The following MAP7 variants were observed in gnomAD, a reference collection of about 807,000 sequenced individuals.
MAP7 encodes ensconsin.
MAP7 carries 52 observed loss-of-function variants against 94.8 expected under a neutral mutation model. The observed-to-expected ratio is 0.55, with a 90% CI of 0.44 to 0.69. The LOEUF (loss-of-function observed/expected upper bound fraction) is 0.69, where lower values mean the gene tolerates loss of function less well. MAP7 is among the 30% of genes least tolerant of loss of function. The pLI, the probability that MAP7 is intolerant of heterozygous loss-of-function variation, is 0.00. For synonymous variants in MAP7, 350 were observed against 357.0 expected, an observed-to-expected ratio of 0.98 and a Z score of 0.22; for missense variants, 940 against 964.6, an observed-to-expected ratio of 0.97 and a Z score of 0.34.
At chr6:136,354,999 G>A (rs1044910318) in intron 16 of MAP7, among the ~76,000 whole-genome samples, 16 of 152,068 alleles carry the variant, frequency 1.1e-4, no homozygotes, top group African/African-American at 3.9e-4. Flanking sequence ...CAAGATGGGT[G>A]GATCACTTGA....
chr6:136,388,229 T>C (rs1779706876), intron 5 of MAP7, among the ~76,000 whole-genome samples, 164 bp downstream of exon 5: 1 of 152,202 alleles, frequency 6.6e-6, no homozygotes. Context: ...TTACTTCTTA[T>C]CTCCATCACC....
At chr6:136,496,146 G>A (rs1250907681) in intron 1 of MAP7, among the ~76,000 whole-genome samples, 1 of 152,170 alleles carries the variant, frequency 6.6e-6, no homozygotes, top group Non-Finnish European at 1.5e-5. Context: ...CCCCAGGGTG[G>A]GGCAAAGGGA....
intron 13 of MAP7, among the ~76,000 whole-genome samples, 181 bp downstream of exon 13, chr6:136,360,516 G>C (rs1353522002): frequency 1.3e-5 from 2 of 152,182 alleles, no homozygotes; most frequent in Non-Finnish European, 2.9e-5. Flanking sequence ...GTGGAAGTAA[G>C]TGTTTTTTGG....
At chr6:136,405,628 A>C (rs1785353337) in intron 3 of MAP7, among the ~76,000 whole-genome samples, 1 of 152,368 alleles carries the variant, frequency 6.6e-6, no homozygotes, top group African/African-American at 2.4e-5. Flanking sequence ...GGTCTGGAGC[A>C]GAGGCAGGCC....
At chr6:136,436,875 A>G in intron 1 of MAP7, among the ~76,000 whole-genome samples, 1 of 152,362 alleles carries the variant, frequency 6.6e-6, no homozygotes, top group East Asian at 1.9e-4. Flanking sequence ...GATTTTGATC[A>G]TAAGAAAAAT....
intron 1 of MAP7, among the ~76,000 whole-genome samples, chr6:136,487,780 G>A (rs1815232191): frequency 6.6e-6 from 1 of 152,104 alleles, no homozygotes; most frequent in Non-Finnish European, 1.5e-5. Flanking sequence ...TATTTAGGCA[G>A]TTAACAACTG....
At chr6:136,486,607 C>T (rs1024361547) in intron 1 of MAP7, among the ~76,000 whole-genome samples, 1 of 152,198 alleles carries the variant, frequency 6.6e-6, no homozygotes, top group Non-Finnish European at 1.5e-5. Context: ...TAGTTAGATT[C>T]TGCAGGCTGA....
At chr6:136,545,772 T>A (rs1296404887) in intron 1 of MAP7, among the ~76,000 whole-genome samples, 2 of 152,056 alleles carry the variant, frequency 1.3e-5, no homozygotes, top group African/African-American at 2.4e-5. Context: ...AATTTTTTTT[T>A]ATTTTTGTGG....
chr6:136,425,076 T>G (rs939836775), intron 1 of MAP7, among the ~76,000 whole-genome samples: 1 of 152,222 alleles, frequency 6.6e-6, no homozygotes, highest in African/African-American at 2.4e-5. Flanking sequence ...ACAGCTCCTA[T>G]GTGACTGACA....
At chr6:136,457,119 C>T (rs1339849451) in intron 1 of MAP7, among the ~76,000 whole-genome samples, 2 of 149,048 alleles carry the variant, frequency 1.3e-5, no homozygotes, top group Non-Finnish European at 3.0e-5. Flanking sequence ...GATATTATAA[C>T]TGATGCCACA....
At chr6:136,502,155 G>A (rs1485465136) in intron 1 of MAP7, among the ~76,000 whole-genome samples, 2 of 152,192 alleles carry the variant, frequency 1.3e-5, no homozygotes, top group Non-Finnish European at 2.9e-5. Context: ...TCTACCAAAA[G>A]CCATTTTAAA....
At chr6:136,518,087 C>A (rs941527725) in intron 1 of MAP7, among the ~76,000 whole-genome samples, 2 of 152,194 alleles carry the variant, frequency 1.3e-5, no homozygotes, top group Admixed American at 1.3e-4. Flanking sequence ...ATGGAGGTGG[C>A]TCGAGCCTCC....
chr6:136,507,031 A>G (rs1357980831), intron 1 of MAP7, among the ~76,000 whole-genome samples: 1 of 152,146 alleles, frequency 6.6e-6, no homozygotes, highest in Non-Finnish European at 1.5e-5. Flanking sequence ...GGCACCCCGG[A>G]GTCTCCAAAT....
intron 16 of MAP7, among the ~76,000 whole-genome samples, chr6:136,352,482 G>A (rs998093507): frequency 1.3e-5 from 2 of 152,112 alleles, no homozygotes; most frequent in Non-Finnish European, 2.9e-5. Flanking sequence ...CACCACACCA[G>A]GCCCCTAAAT....
intron 1 of MAP7, among the ~76,000 whole-genome samples, chr6:136,469,724 C>T (rs1808356744): frequency 6.6e-6 from 1 of 152,122 alleles, no homozygotes; most frequent in Non-Finnish European, 1.5e-5. Context: ...AAAACTACAT[C>T]AGTGCTGGAT....
At chr6:136,444,987 A>G (rs1798895266) in intron 1 of MAP7, among the ~76,000 whole-genome samples, 1 of 152,194 alleles carries the variant, frequency 6.6e-6, no homozygotes, top group Non-Finnish European at 1.5e-5. Flanking sequence ...TAACTGCTCA[A>G]GCCTACACCT....
chr6:136,468,396 G>A (rs1807845160), intron 1 of MAP7, among the ~76,000 whole-genome samples: 1 of 152,156 alleles, frequency 6.6e-6, no homozygotes, highest in South Asian at 2.1e-4. Context: ...ACTCTGAGAT[G>A]CAGAAGAACT....
At chr6:136,478,498 G>C (rs546509070) in intron 1 of MAP7, among the ~76,000 whole-genome samples, 1 of 151,708 alleles carries the variant, frequency 6.6e-6, no homozygotes, top group Non-Finnish European at 1.5e-5. Flanking sequence ...AAATACAAAA[G>C]ATTAACAAAA....
chr6:136,470,369 G>C (rs1305498253), intron 1 of MAP7, among the ~76,000 whole-genome samples: 1 of 151,916 alleles, frequency 6.6e-6, no homozygotes, highest in Non-Finnish European at 1.5e-5. Context: ...TATATATTTA[G>C]GGTGTACAAC....
Sources: allele counts gnomAD v4.1 joint callset (sites outside exome capture counted in the v4.1 genomes callset), GRCh38; gene constraint gnomAD v4.1.1; transcripts MANE v1.5; gene names NCBI Gene and HGNC (gene_info 2026-07-23, HGNC 2026-07-21).